Variants in QTMAN observed in about 807,000 individuals in gnomAD.
QTMAN encodes the protein tRNA-queuosine alpha-mannosyltransferase.
the QTMAN span, among the ~76,000 whole-genome samples, chr2:144,092,470 T>C: frequency 6.6e-6 from 1 of 152,154 alleles, no homozygotes; most frequent in African/African-American, 2.4e-5. Context: ...CCACCACGCC[T>C]GGCCAAAACT....
the QTMAN span, among the ~76,000 whole-genome samples, chr2:144,225,757 A>G: frequency 6.6e-6 from 1 of 152,194 alleles, no homozygotes; most frequent in South Asian, 2.1e-4. Context: ...ATATTCAGCT[A>G]GTCGGAAGTA....
the QTMAN span, among the ~76,000 whole-genome samples, chr2:144,110,404 G>C: frequency 1.3e-5 from 2 of 152,036 alleles, no homozygotes; most frequent in East Asian, 1.9e-4. Flanking sequence ...GGTGAGGGGA[G>C]GGGGGAAGGA....
chr2:143,949,465 T>A, the QTMAN span, among the ~76,000 whole-genome samples: 1 of 151,920 alleles, frequency 6.6e-6, no homozygotes, highest in African/African-American at 2.4e-5. Context: ...GTGAACTCTA[T>A]ATGATAAGAA....
chr2:144,294,663 CT>C, the QTMAN span, among the ~76,000 whole-genome samples: 1 of 151,832 alleles, frequency 6.6e-6, no homozygotes. Flanking sequence ...GTGAAAAACT[CT>C]TTGTGGAAGA....
At chr2:144,152,813 T>C in the QTMAN span, among the ~76,000 whole-genome samples, 2 of 152,152 alleles carry the variant, frequency 1.3e-5, no homozygotes, top group East Asian at 3.8e-4. Context: ...ACAATATAAT[T>C]GGTGAAATAA....
the QTMAN span, among the ~76,000 whole-genome samples, chr2:144,153,839 G>A: frequency 0.011 from 1,714 of 152,240 alleles, 36 homozygotes; most frequent in African/African-American, 0.039. Flanking sequence ...ACCACGTATC[G>A]TGCAAGGTTC....
the QTMAN span, among the ~76,000 whole-genome samples, chr2:144,245,889 G>T: frequency 2.6e-5 from 4 of 152,134 alleles, no homozygotes; most frequent in Non-Finnish European, 4.4e-5. Context: ...TCTCCCAGTA[G>T]ATTAGTTCAT....
At chr2:143,976,572 T>C in the QTMAN span, among the ~76,000 whole-genome samples, 1 of 152,140 alleles carries the variant, frequency 6.6e-6, no homozygotes, top group South Asian at 2.1e-4. Flanking sequence ...TCTTCACTCC[T>C]CTCTGCATGC....
chr2:144,230,502 C>A, the QTMAN span, among the ~76,000 whole-genome samples: 1 of 151,828 alleles, frequency 6.6e-6, no homozygotes, highest in African/African-American at 2.4e-5. Context: ...TCAATAGAAA[C>A]AATATTTCAG....
the QTMAN span, among the ~76,000 whole-genome samples, chr2:144,263,261 G>T: frequency 1.3e-5 from 2 of 151,832 alleles, no homozygotes; most frequent in East Asian, 3.9e-4. Context: ...AACAAGAAAG[G>T]CTGCCAATTT....
At chr2:144,084,378 G>C in the QTMAN span, among the ~76,000 whole-genome samples, 1 of 152,286 alleles carries the variant, frequency 6.6e-6, no homozygotes, top group African/African-American at 2.4e-5. Context: ...AGTTTTGAAG[G>C]CTCTTCCAAT....
chr2:144,275,728 A>C, the QTMAN span, among the ~76,000 whole-genome samples: 3 of 152,184 alleles, frequency 2.0e-5, no homozygotes, highest in Non-Finnish European at 2.9e-5. Context: ...TCCTGGCCTC[A>C]CAAGTCCAAC....
chr2:144,115,551 G>A, the QTMAN span, among the ~76,000 whole-genome samples: 1 of 152,178 alleles, frequency 6.6e-6, no homozygotes, highest in Non-Finnish European at 1.5e-5. Context: ...CCAGGACATC[G>A]CTCCCTGTGG....
the QTMAN span, among the ~76,000 whole-genome samples, chr2:144,219,410 C>CGCTT: frequency 6.6e-6 from 1 of 151,660 alleles, no homozygotes; most frequent in South Asian, 2.1e-4. Flanking sequence ...GGATTACAGG[C>CGCTT]GTAAGCCACT....
chr2:143,966,738 A>C, the QTMAN span, among the ~76,000 whole-genome samples: 57 of 152,264 alleles, frequency 3.7e-4, 1 homozygote, highest in Non-Finnish European at 1.9e-4. Flanking sequence ...TCTACTATAC[A>C]TTTTAGGAAA....
At chr2:144,102,165 G>A in the QTMAN span, among the ~76,000 whole-genome samples, 1 of 152,126 alleles carries the variant, frequency 6.6e-6, no homozygotes, top group Non-Finnish European at 1.5e-5. Flanking sequence ...CCAGAGCTAT[G>A]TTTTTTCCAT....
chr2:144,133,968 A>G, the QTMAN span, among the ~76,000 whole-genome samples: 1 of 152,158 alleles, frequency 6.6e-6, no homozygotes, highest in Non-Finnish European at 1.5e-5. Flanking sequence ...TAGTATGTCC[A>G]ACATTAATAC....
At chr2:144,208,491 A>G in the QTMAN span, 6 of 877,962 alleles carry the variant, frequency 6.8e-6, no homozygotes, top group East Asian at 1.5e-4. Flanking sequence ...CTATAGTCAT[A>G]ATAACCAATT....
the QTMAN span, among the ~76,000 whole-genome samples, chr2:144,189,954 T>G: frequency 7.3e-4 from 111 of 152,354 alleles, 1 homozygote; most frequent in South Asian, 9.1e-3. Context: ...TAATAGGGTC[T>G]TATTATTCAT....
Sources: gnomAD v4.1 joint callset for allele counts (sites outside exome capture counted in the v4.1 genomes callset) on GRCh38, gnomAD v4.1.1 for gene constraint, MANE v1.5 for transcripts, NCBI Gene and HGNC (gene_info 2026-07-23, HGNC 2026-07-21) for gene names.